RTL4: variants seen among roughly 807,000 people sequenced by gnomAD.
The protein encoded by RTL4 is retrotransposon Gag-like protein 4.
In RTL4, 4 loss-of-function variants were observed where a neutral mutation model predicts 5.3. The ratio of observed to expected loss-of-function variants is 0.75; its 90% CI spans 0.37 to 1.72. RTL4 has a LOEUF of 1.72. RTL4 is among the 40% of genes most tolerant of loss of function. The pLI is 0.04. For synonymous variants in RTL4, 98 were observed against 87.3 expected (o/e 1.12, Z -0.68); for missense variants, 260 against 227.1 (o/e 1.14, Z -0.93).
At chrX:112,247,473 C>T in the RTL4 span, among the ~76,000 whole-genome samples, 1 of 111,528 alleles carries the variant, frequency 9.0e-6, no homozygotes, top group Non-Finnish European at 1.9e-5. Flanking sequence ...GTGGCATATC[C>T]CCTCATTTTT....
the RTL4 span, among the ~76,000 whole-genome samples, chrX:112,439,206 A>G: frequency 1.5e-4 from 17 of 111,448 alleles, no homozygotes; most frequent in Non-Finnish European, 3.0e-4. Context: ...GTATATGGGG[A>G]GCTGGAACAC....
At chrX:112,385,286 G>A in the RTL4 span, among the ~76,000 whole-genome samples, 9 of 110,105 alleles carry the variant, frequency 8.2e-5, no homozygotes, top group Admixed American at 8.7e-4. Flanking sequence ...TCCCCAGATT[G>A]TATGCTATGT....
At chrX:112,442,240 A>G in the RTL4 span, among the ~76,000 whole-genome samples, 1 of 103,675 alleles carries the variant, frequency 9.6e-6, no homozygotes, top group Admixed American at 1.0e-4. Flanking sequence ...GTACATTTAC[A>G]TTTCTTTTTT....
the RTL4 span, among the ~76,000 whole-genome samples, chrX:112,236,437 C>CTATATCTATATATAGATATAGATA: frequency 3.2e-4 from 24 of 73,854 alleles, no homozygotes; most frequent in African/African-American, 1.3e-3. Context: ...AGATATAGAT[C>CTATATCTATATATAGATATAGATA]TATATCTATA....
At chrX:112,263,303 G>A in the RTL4 span, among the ~76,000 whole-genome samples, 25 of 110,976 alleles carry the variant, frequency 2.3e-4, 1 homozygote, top group East Asian at 2.8e-3. Flanking sequence ...GGGGGCTAAG[G>A]TGAGAGTCTT....
chrX:112,247,343 G>A, the RTL4 span, among the ~76,000 whole-genome samples: 29 of 111,576 alleles, frequency 2.6e-4, no homozygotes, highest in South Asian at 9.9e-3. Context: ...ACAAAATGAC[G>A]TTTTATCTCT....
the RTL4 span, among the ~76,000 whole-genome samples, chrX:112,212,996 T>G: frequency 8.9e-6 from 1 of 111,999 alleles, no homozygotes; most frequent in Admixed American, 9.4e-5. Context: ...GGAGATATAC[T>G]TGCGTGTTAT....
chrX:112,303,338 T>C, the RTL4 span, among the ~76,000 whole-genome samples: 1 of 109,924 alleles, frequency 9.1e-6, no homozygotes, highest in Non-Finnish European at 1.9e-5. Context: ...CCTTCATGGA[T>C]TGATTGGTAG....
chrX:112,105,185 A>G, the RTL4 span, among the ~76,000 whole-genome samples: 3 of 111,814 alleles, frequency 2.7e-5, no homozygotes, highest in East Asian at 8.4e-4. Context: ...GTTTTGTCCA[A>G]AATCAGTTGG....
At chrX:112,337,681 A>G in the RTL4 span, among the ~76,000 whole-genome samples, 2 of 111,601 alleles carry the variant, frequency 1.8e-5, no homozygotes, top group African/African-American at 6.5e-5. Context: ...GTCCCTTCTA[A>G]TAGTTTTAAT....
At chrX:112,419,959 C>A in the RTL4 span, among the ~76,000 whole-genome samples, 3 of 110,543 alleles carry the variant, frequency 2.7e-5, no homozygotes, top group Non-Finnish European at 3.8e-5. Context: ...GAGAAAATTA[C>A]ATTCACACCA....
chrX:112,118,690 T>C, the RTL4 span, among the ~76,000 whole-genome samples: 1 of 111,946 alleles, frequency 8.9e-6, no homozygotes, highest in Non-Finnish European at 1.9e-5. Flanking sequence ...TGCTATGATA[T>C]AATTTTGTAG....
the RTL4 span, among the ~76,000 whole-genome samples, chrX:112,408,776 G>A: frequency 1.8e-5 from 2 of 112,208 alleles, no homozygotes; most frequent in Admixed American, 1.9e-4. Context: ...AGGAGAAAAG[G>A]AACAAATAAG....
the RTL4 span, among the ~76,000 whole-genome samples, chrX:112,256,620 T>C: frequency 1.8e-5 from 2 of 111,943 alleles, no homozygotes; most frequent in South Asian, 7.4e-4. Context: ...ATCTTTTTGA[T>C]ACTGATTTTC....
the RTL4 span, among the ~76,000 whole-genome samples, chrX:112,304,526 G>A: frequency 4.5e-5 from 5 of 110,431 alleles, no homozygotes; most frequent in South Asian, 3.9e-4. Context: ...AGAAATTTCC[G>A]GGAACCGTGT....
At chrX:112,341,037 A>G in the RTL4 span, among the ~76,000 whole-genome samples, 1 of 111,486 alleles carries the variant, frequency 9.0e-6, no homozygotes, top group African/African-American at 3.3e-5. Flanking sequence ...CATTTTGAAC[A>G]CGACTAATTA....
the RTL4 span, among the ~76,000 whole-genome samples, chrX:112,296,467 C>T: frequency 9.0e-6 from 1 of 111,342 alleles, no homozygotes; most frequent in Non-Finnish European, 1.9e-5. Context: ...TGACTTCCTA[C>T]ACCCACACAC....
At chrX:112,438,656 T>G in the RTL4 span, among the ~76,000 whole-genome samples, 3 of 112,495 alleles carry the variant, frequency 2.7e-5, no homozygotes, top group Non-Finnish European at 5.6e-5. Context: ...ATACCTCAGA[T>G]CTCCCCTGTC....
the RTL4 span, among the ~76,000 whole-genome samples, chrX:112,386,975 G>C: frequency 9.0e-6 from 1 of 111,249 alleles, no homozygotes; most frequent in Non-Finnish European, 1.9e-5. Flanking sequence ...CCCACCAGCA[G>C]TGTATAAGTG....
Sources: gnomAD v4.1 joint callset for allele counts (sites outside exome capture counted in the v4.1 genomes callset) on GRCh38, gnomAD v4.1.1 for gene constraint, MANE v1.5 for transcripts, NCBI Gene and HGNC (gene_info 2026-07-23, HGNC 2026-07-21) for gene names.